The following ESRRG variants were observed in gnomAD, a reference collection of about 807,000 sequenced individuals.
ESRRG encodes estrogen-related receptor gamma.
ESRRG carries 13 observed loss-of-function variants against 44.0 expected under a neutral mutation model. That is an observed-to-expected ratio of 0.30 (90% CI 0.19 to 0.47). The LOEUF (loss-of-function observed/expected upper bound fraction) is 0.47. Among genes scored for constraint, ESRRG ranks in the 20% least tolerant of loss-of-function variants. The pLI is 1.00. For synonymous variants in ESRRG, 215 were observed against 214.6 expected, an observed-to-expected ratio of 1.00 and a Z score of -0.02; for missense variants, 395 against 580.6, an observed-to-expected ratio of 0.68 and a Z score of 3.29.
intron 2 of ESRRG, among the ~76,000 whole-genome samples, chr1:216,761,453 G>T (rs990753928): frequency 1.3e-5 from 2 of 151,968 alleles, no homozygotes; most frequent in East Asian, 3.9e-4. Flanking sequence ...GTAAATATTT[G>T]GTGAGTGCAT....
At chr1:216,950,204 A>T (rs776146982) in intron 1 of ESRRG, among the ~76,000 whole-genome samples, 2 of 152,226 alleles carry the variant, frequency 1.3e-5, no homozygotes, top group African/African-American at 4.8e-5. Flanking sequence ...TTATCTAGAG[A>T]GCAACGTGGT....
chr1:217,119,783 G>A (rs956612108), intron 1 of ESRRG, among the ~76,000 whole-genome samples: 2 of 152,190 alleles, frequency 1.3e-5, no homozygotes, highest in Non-Finnish European at 2.9e-5. Flanking sequence ...GTGTCATAAT[G>A]TAACTTCTTA....
intron 1 of ESRRG, among the ~76,000 whole-genome samples, chr1:216,963,384 C>T (rs943607309): frequency 1.3e-5 from 2 of 152,066 alleles, no homozygotes; most frequent in Non-Finnish European, 2.9e-5. Context: ...GTATGTGACA[C>T]TTTTTGGTGC....
intron 1 of ESRRG, among the ~76,000 whole-genome samples, chr1:217,088,226 C>G (rs1364338656): frequency 6.6e-6 from 1 of 152,114 alleles, no homozygotes; most frequent in Non-Finnish European, 1.5e-5. Flanking sequence ...GAGAGTTTCT[C>G]TTCAAAACTA....
chr1:216,996,901 T>A (rs1227709890), intron 1 of ESRRG, among the ~76,000 whole-genome samples: 1 of 152,112 alleles, frequency 6.6e-6, no homozygotes, highest in Middle Eastern at 3.2e-3. Flanking sequence ...CTTTTGCAAG[T>A]TGGAAAGAAT....
intron 3 of ESRRG, among the ~76,000 whole-genome samples, chr1:216,582,848 G>A (rs2149835299): frequency 6.6e-6 from 1 of 152,224 alleles, no homozygotes; most frequent in African/African-American, 2.4e-5. Flanking sequence ...GATCCTAAAT[G>A]CTTTTTGGAA....
intron 2 of ESRRG, among the ~76,000 whole-genome samples, chr1:216,794,750 G>A (rs1417013761): frequency 6.6e-6 from 1 of 152,174 alleles, no homozygotes; most frequent in Non-Finnish European, 1.5e-5. Flanking sequence ...GTTTTGCTCA[G>A]CACAGTTAAA....
At chr1:216,621,549 G>A (rs187660197) in intron 3 of ESRRG, among the ~76,000 whole-genome samples, 43 of 152,286 alleles carry the variant, frequency 2.8e-4, no homozygotes, top group African/African-American at 1.0e-3. Flanking sequence ...CTCATCTCTA[G>A]TCAACATCTC....
At chr1:216,663,458 T>G (rs2073072186) in intron 2 of ESRRG, among the ~76,000 whole-genome samples, 1 of 152,210 alleles carries the variant, frequency 6.6e-6, no homozygotes, top group South Asian at 2.1e-4. Context: ...ACATTCTAAA[T>G]TAACAAAGAT....
In ESRRG at chr1:216,859,235, T is replaced by C. The variant is rs368141599; in HGVS notation, c.-14+80347A>G. ...AAGATCCTAGAGCAAGGTAAAGAGA[T>C]ATAGTGATCTCTAAGAGATTAGAAA... On this transcript the variant is annotated intron_variant, in intron 2 of 7. Transcript: ENST00000359162. Among the ~76,000 whole-genome samples, 32 of 152,268 alleles carry C rather than the reference T, an allele frequency of 2.1e-4. No individual in the cohort carries two copies. In the South Asian group the frequency reaches 6.6e-3, roughly 32 times the overall value.
chr1:217,075,588 T>TCCC (rs1431513982), intron 1 of ESRRG, among the ~76,000 whole-genome samples: 21 of 125,916 alleles, frequency 1.7e-4, no homozygotes, highest in South Asian at 3.1e-4. Flanking sequence ...AATTGCTCCT[T>TCCC]TCCCCCCCCC....
chr1:217,045,346 C>A (rs1017865253), intron 1 of ESRRG, among the ~76,000 whole-genome samples: 1 of 152,178 alleles, frequency 6.6e-6, no homozygotes, highest in Non-Finnish European at 1.5e-5. Flanking sequence ...AAACCATTGA[C>A]ACAACCCAGA....
intron 1 of ESRRG, among the ~76,000 whole-genome samples, chr1:217,117,622 T>A (rs1371793757): frequency 6.6e-6 from 1 of 151,968 alleles, no homozygotes; most frequent in Non-Finnish European, 1.5e-5. Context: ...AAAATTAATT[T>A]AAAAATTAGA....
chr1:216,949,493 C>T (rs1005016664), intron 1 of ESRRG, among the ~76,000 whole-genome samples: 2 of 152,090 alleles, frequency 1.3e-5, no homozygotes, highest in African/African-American at 4.8e-5. Context: ...GCAGTCAATG[C>T]TTGCTTCTCT....
At chr1:216,632,158 T>G (rs2064335227) in intron 3 of ESRRG, among the ~76,000 whole-genome samples, 1 of 152,226 alleles carries the variant, frequency 6.6e-6, no homozygotes, top group Non-Finnish European at 1.5e-5. Flanking sequence ...TATATTAAAC[T>G]ATATATCAAA....
intron 3 of ESRRG, among the ~76,000 whole-genome samples, chr1:216,631,965 C>T (rs12138981): frequency 0.16 from 24,749 of 152,004 alleles, 2,557 homozygotes; most frequent in Non-Finnish European, 0.24. Context: ...AGGTGCCCTC[C>T]GTACCATAAG....
At chr1:216,518,804 T>C (rs2148907577) in intron 6 of ESRRG, among the ~76,000 whole-genome samples, 1 of 152,316 alleles carries the variant, frequency 6.6e-6, no homozygotes, top group Non-Finnish European at 1.5e-5. Context: ...GTATCAACAA[T>C]TCCCTTGTTT....
At chr1:217,113,129 CCTTTCTACCAGCAGGAAACAGTCTGAG>C (rs2092678423) in intron 1 of ESRRG, among the ~76,000 whole-genome samples, 1 of 152,146 alleles carries the variant, frequency 6.6e-6, no homozygotes. Flanking sequence ...TGTTTCCTGG[CCTTTCTACCAGCAGGAAACAGTCTGAG>C]AAAGTAGCTC....
intron 2 of ESRRG, among the ~76,000 whole-genome samples, chr1:216,887,288 T>C (rs2096529462): frequency 6.6e-6 from 1 of 152,168 alleles, no homozygotes; most frequent in Non-Finnish European, 1.5e-5. Context: ...TAAGTAAACT[T>C]TCCTGGAATT....
Sources: gnomAD v4.1 joint callset for allele counts (sites outside exome capture counted in the v4.1 genomes callset) on GRCh38, gnomAD v4.1.1 for gene constraint, MANE v1.5 for transcripts, NCBI Gene and HGNC (gene_info 2026-07-23, HGNC 2026-07-21) for gene names.